LRP5: variants seen among roughly 807,000 people sequenced by gnomAD.
LRP5 encodes LDL receptor related protein 5, also known as low-density lipoprotein receptor-related protein 5.
A neutral mutation model predicts 154.1 loss-of-function variants in LRP5; 62 were observed. The ratio of observed to expected loss-of-function variants is 0.40; its 90% confidence interval spans 0.33 to 0.50. The LOEUF is 0.50. LRP5 is among the 20% of genes least tolerant of loss of function. LRP5 has a pLI of 0.55. For missense variants in LRP5, 1,915 were observed against 2,336.7 expected (o/e 0.82, Z 3.72); for synonymous variants, 966 against 1,011.5 (o/e 0.96, Z 0.85).
chr11:68,305,109 T>C, the LRP5 span, among the ~76,000 whole-genome samples: 1 of 152,056 alleles, frequency 6.6e-6, no homozygotes. Context: ...CCAAACCTCA[T>C]GTTGAACTGT....
intron 5 of LRP5, among the ~76,000 whole-genome samples, chr11:68,384,006 T>A (rs1017060108): frequency 2.6e-5 from 4 of 152,202 alleles, no homozygotes; most frequent in Non-Finnish European, 2.9e-5. Context: ...GAGATTTCCA[T>A]TGTAGCTGGG....
At chr11:68,446,580 C>G (rs753197937) in intron 22 of LRP5, 47 bp downstream of exon 22, 1 of 1,507,386 alleles carries the variant, frequency 6.6e-7, no homozygotes, top group South Asian at 1.1e-5. Flanking sequence ...TTCCCGCCAG[C>G]CCGTGGTGGA....
intron 1 of LRP5, among the ~76,000 whole-genome samples, chr11:68,340,781 A>T (rs557845413): frequency 1.3e-5 from 2 of 152,336 alleles, no homozygotes; most frequent in East Asian, 3.9e-4. Flanking sequence ...AAAATATATT[A>T]AAAACTATAT....
At chr11:68,448,561 G>C (rs1212557524) in intron 22 of LRP5, among the ~76,000 whole-genome samples, 1 of 152,222 alleles carries the variant, frequency 6.6e-6, no homozygotes, top group Non-Finnish European at 1.5e-5. Flanking sequence ...AGGCAGCCTT[G>C]CCAGGGCCCA....
chr11:68,448,976 C>A lies in LRP5; in HGVS notation c.4754C>A (p.Ser1585Ter). 1 of 1,611,138 alleles carries A rather than the reference C, an allele frequency of 6.2e-7. No homozygotes were observed. Among genetic ancestry groups the A allele is most frequent in the Non-Finnish European group, 8.5e-7 (1 of 1,179,860 alleles). Residue 1585 changes from serine to a stop codon, truncating the protein, a stop_gained, in exon 23 of 23, where the codon TCG becomes TAG. Coordinates refer to ENST00000294304, the MANE Select transcript of LRP5 (RefSeq NM_002335.4). LOFTEE classifies it high-confidence loss of function. ...CCCACGCCCCACAGCCAGTACCTGT[C>A]GGCGGAGGACAGCTGCCCGCCCTCG... ...PPPTPHSQYLSAEDSCPPSPA... is the reference protein window; with the variant it reads ...PPPTPHSQYL
intron 1 of LRP5, among the ~76,000 whole-genome samples, chr11:68,321,203 C>T (rs964531056): frequency 2.6e-5 from 4 of 151,980 alleles, no homozygotes; most frequent in African/African-American, 9.7e-5. Context: ...CCACAGACAC[C>T]TGGGTCCTGA....
chr11:68,438,364 A>G (rs988398841), intron 19 of LRP5, 82 bp from the exon 20 acceptor site: 173 of 1,304,236 alleles, frequency 1.3e-4, no homozygotes, highest in Non-Finnish European at 1.9e-4. Flanking sequence ...CAGCCCCTTC[A>G]GGGCGCACGG....
chr11:68,363,819 A>C lies in LRP5; in HGVS notation c.759A>C (p.Thr253=), dbSNP rs763435713. 4 of 1,613,110 alleles carry C rather than the reference A, an allele frequency of 2.5e-6. No individual in the cohort carries two copies. Among genetic ancestry groups the C allele is most frequent in the Non-Finnish European group, 3.4e-6 (4 of 1,179,904 alleles). ...LTLSGDTLYW[T]DWQTRSIHAC... ...TCTCCGGGGACACTCTGTACTGGAC[A>C]GACTGGCAGACCCGCTCCATCCATG... Residue 253 remains threonine (T), a synonymous_variant, in exon 4 of 23, where the codon ACA becomes ACC. Transcript: ENST00000294304.
chr11:68,425,203 G>T lies in LRP5; in HGVS notation c.3338G>T (p.Arg1113Leu). Residue 1113 changes from arginine to leucine, a missense_variant, in exon 15 of 23, where the codon CGC becomes CTC. By Grantham distance (102) the Arg-to-Leu change is moderately radical (BLOSUM62 -2). This residue lies in a region of LRP5 where 1,094 missense variants were observed against 1,210.1 expected (regional missense o/e 0.90). Coordinates refer to ENST00000294304, the MANE Select transcript of LRP5 (RefSeq NM_002335.4). The stretch of plus-strand genomic sequence containing the variant: ...GTCCTCTTCACCACCGGCCTCATCC[G>T]CCCTGTGGCCCTGGTGGTGGACAAC... ...REVLFTTGLI[R>L]PVALVVDNTL... 1 of 1,613,388 alleles carries T rather than the reference G, an allele frequency of 6.2e-7. No homozygotes were observed. The highest frequency in any genetic ancestry group is 8.5e-7 in the Non-Finnish European group (1 of 1,179,988).
rs1417489183 is a variant in LRP5 at position 68,328,485 on chromosome 11, C to G, written c.91+15680C>G. On this transcript the variant is annotated intron_variant, in intron 1 of 22. Coordinates refer to ENST00000294304, the MANE Select transcript of LRP5 (RefSeq NM_002335.4). ...TCCCTGTGAGGAAGAACAATGAGAC[C>G]TTTGTAACCACACAGGGGAAACGGC... 3.3e-5 allele frequency among the ~76,000 whole-genome samples: 5 copies of G among 152,168 alleles called. No individual in the cohort carries two copies. In the East Asian group the frequency reaches 9.6e-4, roughly 29 times the overall value.
chr11:68,318,305 A>G (rs2098594642), intron 1 of LRP5, among the ~76,000 whole-genome samples: 1 of 148,404 alleles, frequency 6.7e-6, no homozygotes, highest in Admixed American at 6.7e-5. Context: ...TCGGCTTCCC[A>G]AGGTGCTGGG....
At position 68,432,464 on chromosome 11, in the gene LRP5, G is replaced by A. The variant is rs1233293825; in HGVS notation, c.3764-1138G>A. Reference sequence around the variant, plus strand: ...TTCCTTTTATTACCCTAGAACTCTCGTCTTTGATCAGGCCCCCTCCCCTAT... The same window carrying A: ...TTCCTTTTATTACCCTAGAACTCTCATCTTTGATCAGGCCCCCTCCCCTAT... On this transcript the variant is annotated intron_variant, in intron 17 of 22. Transcript: ENST00000294304. Among the ~76,000 whole-genome samples, 50 of 152,168 alleles carry A rather than the reference G, an allele frequency of 3.3e-4. 2 individuals carry two copies. The highest frequency in any genetic ancestry group is 4.4e-5 in the Non-Finnish European group (3 of 68,042).
intron 1 of LRP5, among the ~76,000 whole-genome samples, chr11:68,333,019 T>G (rs1388143184): frequency 6.6e-6 from 1 of 152,170 alleles, no homozygotes; most frequent in East Asian, 1.9e-4. Context: ...TTTTGAATCT[T>G]TAGACAACTG....
intron 5 of LRP5, among the ~76,000 whole-genome samples, chr11:68,384,955 G>A (rs1487753398): frequency 6.6e-6 from 1 of 152,214 alleles, no homozygotes; most frequent in Non-Finnish European, 1.5e-5. Flanking sequence ...CTCTCAGAGT[G>A]TTGCTGTGGC....
rs1418808583 is a variant in LRP5, at chr11:68,366,289, C to T, written c.1015+587C>T. On this transcript the variant is annotated intron_variant, in intron 5 of 22. Transcript: ENST00000294304. ...AGAAGGTGGTGGGGGACAGGGCCTG[C>T]TTCCTGTGCCGGTGTCCCACTCGGG... 2.0e-5 allele frequency among the ~76,000 whole-genome samples: 3 copies of T among 152,008 alleles called. No individual in the cohort carries two copies. The East Asian group carries it at 5.8e-4, about 29-fold the overall frequency.
In LRP5 at chr11:68,416,061, A is replaced by T. The variant is rs545628714; in HGVS notation, c.2828-267A>T. On this transcript the variant is annotated intron_variant, in intron 12 of 22. Transcript: ENST00000294304. ...CAGTGCGAGACTCCATCTCAAAAAA[A>T]AAATAAATAAATAAAAGAAAAATAA... Among the ~76,000 whole-genome samples, 57 of 152,264 alleles carry T rather than the reference A, an allele frequency of 3.7e-4. No individual in the cohort carries two copies. In the Middle Eastern group the frequency reaches 0.01, roughly 27 times the overall value.
intron 7 of LRP5, among the ~76,000 whole-genome samples, chr11:68,400,165 GC>G (rs2098651861): frequency 1.3e-5 from 2 of 152,172 alleles, no homozygotes; most frequent in African/African-American, 4.8e-5. Context: ...GGGTGGAACA[GC>G]CCGTCGCCTC....
chr11:68,421,403 C>T (rs1285899675), intron 13 of LRP5, among the ~76,000 whole-genome samples: 1 of 152,156 alleles, frequency 6.6e-6, no homozygotes, highest in Non-Finnish European at 1.5e-5. Flanking sequence ...AGACTGCTGT[C>T]CCAAAGTCTG....
At chr11:68,374,763 C>T (rs1039574348) in intron 5 of LRP5, among the ~76,000 whole-genome samples, 8 of 152,160 alleles carry the variant, frequency 5.3e-5, no homozygotes, top group Admixed American at 5.2e-4. Flanking sequence ...GGAAATGGAA[C>T]CACGCAGCTG....
Sources: gnomAD v4.1 joint callset for allele counts (sites outside exome capture counted in the v4.1 genomes callset) on GRCh38, gnomAD v4.1.1 for gene constraint, gnomAD v4.1.1 regional missense constraint, MANE v1.5 for transcripts, NCBI Gene and HGNC (gene_info 2026-07-23, HGNC 2026-07-21) for gene names.